Variants in CCDC7 observed in about 807,000 individuals in gnomAD.
The protein encoded by CCDC7 is coiled-coil domain containing 7, also known as coiled-coil domain-containing protein 7.
A neutral mutation model predicts 196.9 loss-of-function variants in CCDC7; 183 were observed. That is an observed-to-expected ratio of 0.93 (90% CI 0.82 to 1.05). The LOEUF (loss-of-function observed/expected upper bound fraction) is 1.05, where lower values mean the gene tolerates loss of function less well. CCDC7 is among the 50% of genes least tolerant of loss of function. The pLI is 0.00. For synonymous variants in CCDC7, 525 were observed against 484.6 expected, an observed-to-expected ratio of 1.08 and a Z score of -1.10; for missense variants, 1,540 against 1,482.2, an observed-to-expected ratio of 1.04 and a Z score of -0.64.
chr10:32,471,412 C>T (rs1185793671), intron 6 of CCDC7, among the ~76,000 whole-genome samples, 182 bp downstream of exon 7: 1 of 152,126 alleles, frequency 6.6e-6, no homozygotes, highest in African/African-American at 2.4e-5. Context: ...ATACAGGAGA[C>T]ATTTGCTGCA....
downstream of CCDC7, among the ~76,000 whole-genome samples, chr10:32,880,225 C>T (rs541477866): frequency 9.4e-4 from 143 of 152,198 alleles, no homozygotes; most frequent in African/African-American, 3.2e-3. Context: ...TGTTTCTTGA[C>T]TTTTTAATAA....
At chr10:32,590,114 T>C (rs2059649347) in intron 18 of CCDC7, among the ~76,000 whole-genome samples, 1 of 152,112 alleles carries the variant, frequency 6.6e-6, no homozygotes, top group African/African-American at 2.4e-5. Context: ...GCTTTTCCAG[T>C]TGTTTTGTGG....
chr10:32,663,854 A>G (rs1359946191), intron 20 of CCDC7, among the ~76,000 whole-genome samples, 200 bp from the exon 22 acceptor site: 1 of 152,000 alleles, frequency 6.6e-6, no homozygotes, highest in Non-Finnish European at 1.5e-5. Context: ...AGAAATATCA[A>G]AATAATGAGA....
At chr10:32,740,646 C>T (rs1389686910) in intron 28 of CCDC7, among the ~76,000 whole-genome samples, 2 of 152,172 alleles carry the variant, frequency 1.3e-5, no homozygotes, top group African/African-American at 2.4e-5. Context: ...AAAGAACAAA[C>T]TTCTCCTAAT....
intron 28 of CCDC7, among the ~76,000 whole-genome samples, chr10:32,733,645 T>C (rs2084360841): frequency 1.3e-5 from 2 of 152,044 alleles, no homozygotes; most frequent in South Asian, 4.1e-4. Context: ...CAGTTCTTAC[T>C]TTTTTCATTG....
At chr10:32,713,919 G>A (rs1291978470) in intron 25 of CCDC7, among the ~76,000 whole-genome samples, 3 of 152,200 alleles carry the variant, frequency 2.0e-5, no homozygotes, top group Non-Finnish European at 2.9e-5. Context: ...ATAACCAGCA[G>A]AATTGAAATA....
chr10:32,794,132 G>T (rs982036634), intron 29 of CCDC7, among the ~76,000 whole-genome samples: 1 of 152,090 alleles, frequency 6.6e-6, no homozygotes, highest in Non-Finnish European at 1.5e-5. Flanking sequence ...TCCACATCAG[G>T]CAGTCCCCAG....
chr10:32,820,020 CA>C (rs1359952119), intron 31 of CCDC7, among the ~76,000 whole-genome samples: 4 of 152,160 alleles, frequency 2.6e-5, no homozygotes, highest in African/African-American at 9.7e-5. Context: ...AAGAGGAAGT[CA>C]CATTGTCCGT....
chr10:32,475,685 C>T (rs2460712), intron 8 of CCDC7, among the ~76,000 whole-genome samples: 52,478 of 152,048 alleles, frequency 0.35, 11,478 homozygotes, highest in Non-Finnish European at 0.5. Flanking sequence ...TTCTCTGTTG[C>T]TGTATTTCAC....
chr10:32,568,046 C>T (rs1454888193), intron 15 of CCDC7, among the ~76,000 whole-genome samples, 155 bp downstream of exon 16: 2 of 119,148 alleles, frequency 1.7e-5, no homozygotes, highest in Non-Finnish European at 3.2e-5. Flanking sequence ...CTTGCTCTGT[C>T]GCCAGGCTAG....
At chr10:32,701,033 T>C (rs2078624150) in intron 24 of CCDC7, among the ~76,000 whole-genome samples, 1 of 152,174 alleles carries the variant, frequency 6.6e-6, no homozygotes. Context: ...TTTTCCTAAT[T>C]GAATATCCTT....
At chr10:32,775,556 C>T (rs889856495) in intron 28 of CCDC7, among the ~76,000 whole-genome samples, 3 of 152,058 alleles carry the variant, frequency 2.0e-5, no homozygotes, top group African/African-American at 7.2e-5. Flanking sequence ...GAGGAATAAA[C>T]CTATATACTA....
intron 32 of CCDC7, among the ~76,000 whole-genome samples, chr10:32,834,140 A>G (rs1565653003): frequency 6.6e-6 from 1 of 152,154 alleles, no homozygotes; most frequent in Admixed American, 6.6e-5. Flanking sequence ...TAGGAATGCA[A>G]AATTACCCAT....
intron 29 of CCDC7, among the ~76,000 whole-genome samples, chr10:32,786,509 C>T (rs2081903803): frequency 6.6e-6 from 1 of 152,242 alleles, no homozygotes; most frequent in African/African-American, 2.4e-5. Context: ...GCCTGTGATC[C>T]TAGCACTTTG....
intron 18 of CCDC7, among the ~76,000 whole-genome samples, chr10:32,604,961 G>C (rs2138496052): frequency 6.6e-6 from 1 of 151,960 alleles, no homozygotes; most frequent in African/African-American, 2.4e-5. Context: ...TTAGATATTT[G>C]TCCCACCCAA....
At chr10:32,880,426 G>A (rs1302619307), downstream of CCDC7, among the ~76,000 whole-genome samples, 1 of 152,060 alleles carries the variant, frequency 6.6e-6, no homozygotes, top group Non-Finnish European at 1.5e-5. Context: ...TAAGTTCCTT[G>A]TAGATTCTTT....
chr10:32,612,304 T>G (rs1007219483), intron 18 of CCDC7, among the ~76,000 whole-genome samples: 5 of 152,178 alleles, frequency 3.3e-5, no homozygotes, highest in African/African-American at 1.2e-4. Flanking sequence ...GCTTATCACC[T>G]TAAGGAATTT....
chr10:32,672,865 G>T (rs1303946091), intron 21 of CCDC7, among the ~76,000 whole-genome samples: 1 of 152,152 alleles, frequency 6.6e-6, no homozygotes, highest in African/African-American at 2.4e-5. Flanking sequence ...TTTGTGAAAG[G>T]TGTCTATATT....
intron 28 of CCDC7, among the ~76,000 whole-genome samples, chr10:32,730,241 A>T (rs2083732182): frequency 6.6e-6 from 1 of 152,254 alleles, no homozygotes; most frequent in East Asian, 1.9e-4. Flanking sequence ...AAGAGAGAAC[A>T]TGTGATGTTT....
Sources: allele counts gnomAD v4.1 joint callset (sites outside exome capture counted in the v4.1 genomes callset), GRCh38; gene constraint gnomAD v4.1.1; transcripts MANE v1.5; gene names NCBI Gene and HGNC (gene_info 2026-07-23, HGNC 2026-07-21).